Variants in CEP15 observed in about 807,000 individuals in gnomAD.
CEP15 encodes the protein centrosomal protein 15 kDa.
chr3:62,321,105 C>T, the CEP15 span, among the ~76,000 whole-genome samples: 2 of 152,134 alleles, frequency 1.3e-5, no homozygotes, highest in Non-Finnish European at 2.9e-5. This position sits in a 1 kb window ranked among gnomAD's most constrained non-coding sequence, Gnocchi z 4.1. Context: ...ACCTTTAAGA[C>T]AGCCTGATGA....
chr3:62,330,751 C>G, the CEP15 span, among the ~76,000 whole-genome samples: 1 of 152,094 alleles, frequency 6.6e-6, no homozygotes, highest in Non-Finnish European at 1.5e-5. Flanking sequence ...TGAAAAGGTT[C>G]TTGTCACTAA....
the CEP15 span, chr3:62,333,130 ATGTGTG>A: frequency 2.9e-5 from 22 of 751,976 alleles, no homozygotes; most frequent in African/African-American, 2.2e-4. This position sits in a 1 kb window ranked among gnomAD's most constrained non-coding sequence, Gnocchi z 4.0. Context: ...TTCTACATAT[ATGTGTG>A]TGTGTGTGTG....
At chr3:62,324,786 C>G in the CEP15 span, among the ~76,000 whole-genome samples, 1 of 152,158 alleles carries the variant, frequency 6.6e-6, no homozygotes, top group African/African-American at 2.4e-5. Context: ...GAAAGCATTT[C>G]TGTAATAAGA....
the CEP15 span, chr3:62,333,167 C>A: frequency 7.7e-7 from 1 of 1,300,786 alleles, no homozygotes; most frequent in Non-Finnish European, 1.1e-6. The surrounding 1 kb of genome is among the most constrained non-coding windows in gnomAD (Gnocchi z 4.0). Flanking sequence ...CGCATACACA[C>A]TCTTAAGTGA....
the CEP15 span, chr3:62,319,636 T>A: frequency 6.6e-6 from 1 of 152,270 alleles, no homozygotes; most frequent in African/African-American, 2.4e-5. Context: ...AGACAATCTT[T>A]ATAGAGTGCA....
chr3:62,324,182 G>C, the CEP15 span: 1 of 152,084 alleles, frequency 6.6e-6, no homozygotes, highest in Admixed American at 6.6e-5. Context: ...TTGAGCCCAG[G>C]AGTTCAGGAC....
At chr3:62,332,532 G>A in the CEP15 span, among the ~76,000 whole-genome samples, 1 of 151,942 alleles carries the variant, frequency 6.6e-6, no homozygotes, top group Non-Finnish European at 1.5e-5. Context: ...CCTCCCTAGG[G>A]CAGTCACCCA....
chr3:62,325,042 A>C, the CEP15 span, among the ~76,000 whole-genome samples: 1 of 152,222 alleles, frequency 6.6e-6, no homozygotes, highest in Non-Finnish European at 1.5e-5. Flanking sequence ...CTATGTATAC[A>C]ACTGGAAAAT....
At chr3:62,331,274 A>C in the CEP15 span, 1 of 1,533,092 alleles carries the variant, frequency 6.5e-7, no homozygotes, top group Non-Finnish European at 9.0e-7. Flanking sequence ...TACAGGTGCC[A>C]TTTGTTTTAT....
At chr3:62,320,315 C>T in the CEP15 span, 2 of 546,142 alleles carry the variant, frequency 3.7e-6, no homozygotes, top group Non-Finnish European at 6.3e-6. Flanking sequence ...TTAATTGCAT[C>T]CTTTCATTTT....
chr3:62,321,322 T>A, the CEP15 span, among the ~76,000 whole-genome samples: 1 of 152,224 alleles, frequency 6.6e-6, no homozygotes, highest in Non-Finnish European at 1.5e-5. This position sits in a 1 kb window ranked among gnomAD's most constrained non-coding sequence, Gnocchi z 4.1. Context: ...ATTTTTTACA[T>A]CTTTCTTCAA....
At chr3:62,330,489 G>A in the CEP15 span, among the ~76,000 whole-genome samples, 5 of 152,156 alleles carry the variant, frequency 3.3e-5, no homozygotes, top group Non-Finnish European at 2.9e-5. Flanking sequence ...CTAAAAATTT[G>A]CGGAGTCCTG....
chr3:62,327,112 T>C, the CEP15 span, among the ~76,000 whole-genome samples: 1 of 152,170 alleles, frequency 6.6e-6, no homozygotes, highest in African/African-American at 2.4e-5. Flanking sequence ...AGGAATTAGG[T>C]CATTTGTCCT....
the CEP15 span, chr3:62,334,563 TTAAG>T: frequency 1.3e-5 from 2 of 152,142 alleles, no homozygotes; most frequent in Non-Finnish European, 2.9e-5. This position sits in a 1 kb window ranked among gnomAD's most constrained non-coding sequence, Gnocchi z 4.9. Flanking sequence ...ACAGTTGTAA[TTAAG>T]GAATAAACAG....
the CEP15 span, among the ~76,000 whole-genome samples, chr3:62,331,882 G>A: frequency 2.6e-5 from 4 of 152,204 alleles, no homozygotes; most frequent in South Asian, 8.3e-4. Context: ...AAGATGGTTA[G>A]CAAAAATAAA....
At chr3:62,320,639 A>G in the CEP15 span, 1 of 701,342 alleles carries the variant, frequency 1.4e-6, no homozygotes, top group South Asian at 1.9e-5. Flanking sequence ...TAATTTTCTG[A>G]CACTTAAGAG....
At chr3:62,333,275 A>G in the CEP15 span, 1 of 1,610,332 alleles carries the variant, frequency 6.2e-7, no homozygotes. The surrounding 1 kb of genome is among the most constrained non-coding windows in gnomAD (Gnocchi z 4.0). Flanking sequence ...GGGCATCAGT[A>G]GAAGAATATA....
At chr3:62,329,340 G>A in the CEP15 span, among the ~76,000 whole-genome samples, 1 of 152,108 alleles carries the variant, frequency 6.6e-6, no homozygotes, top group African/African-American at 2.4e-5. Flanking sequence ...TGAGAAGTAA[G>A]GGCTAGGAAG....
chr3:62,335,709 C>T, the CEP15 span: 4 of 152,060 alleles, frequency 2.6e-5, no homozygotes, highest in Non-Finnish European at 5.9e-5. Context: ...TACTCCACCA[C>T]TCTTCTCCAT....
Sources: gnomAD v4.1 joint callset for allele counts (sites outside exome capture counted in the v4.1 genomes callset) on GRCh38, gnomAD v4.1.1 for gene constraint, Gnocchi (gnomAD v3.1) non-coding constraint, MANE v1.5 for transcripts, NCBI Gene and HGNC (gene_info 2026-07-23, HGNC 2026-07-21) for gene names.